METTL25: variants seen among roughly 807,000 people sequenced by gnomAD.
The protein encoded by METTL25 is probable methyltransferase-like protein 25.
In METTL25, 64 loss-of-function variants were observed where a neutral mutation model predicts 71.6. The ratio of observed to expected loss-of-function variants is 0.89; its 90% CI spans 0.73 to 1.10. The LOEUF (loss-of-function observed/expected upper bound fraction) is 1.10. Ranked by LOEUF, METTL25 falls within the 50% of genes least tolerant of loss-of-function variation. The pLI is 0.00. For missense variants in METTL25, 807 were observed against 707.0 expected, an observed-to-expected ratio of 1.14 and a Z score of -1.60; for synonymous variants, 287 against 250.3, an observed-to-expected ratio of 1.15 and a Z score of -1.38.
intron 3 of METTL25, among the ~76,000 whole-genome samples, chr12:82,392,620 A>G (rs993095977): frequency 1.2e-4 from 18 of 151,874 alleles, no homozygotes; most frequent in Non-Finnish European, 2.4e-4. Context: ...ACAGAAGGTT[A>G]TTAGCTTGAT....
intron 1 of METTL25, among the ~76,000 whole-genome samples, chr12:82,371,933 A>T (rs1883279430): frequency 6.6e-6 from 1 of 152,076 alleles, no homozygotes; most frequent in Non-Finnish European, 1.5e-5. Flanking sequence ...AGTCCTCATG[A>T]TCTGAGTCTA....
chr12:82,379,401 T>C (rs1022663584), intron 1 of METTL25, among the ~76,000 whole-genome samples: 1 of 152,240 alleles, frequency 6.6e-6, no homozygotes, highest in African/African-American at 2.4e-5. Context: ...AAATTATATT[T>C]GATTTATCAA....
At chr12:82,393,860 CT>C (rs1000771993) in intron 3 of METTL25, among the ~76,000 whole-genome samples, 2 of 151,668 alleles carry the variant, frequency 1.3e-5, no homozygotes, top group African/African-American at 4.8e-5. Flanking sequence ...AAATTTTCTA[CT>C]TTTTTGTTAC....
At chr12:82,396,774 T>G (rs1886121820) in intron 3 of METTL25, among the ~76,000 whole-genome samples, 1 of 152,144 alleles carries the variant, frequency 6.6e-6, no homozygotes, top group African/African-American at 2.4e-5. Flanking sequence ...TATTTTCTCT[T>G]TCATTCTCAG....
chr12:82,431,635 T>C (rs143137732), intron 6 of METTL25, among the ~76,000 whole-genome samples: 1 of 151,590 alleles, frequency 6.6e-6, no homozygotes, highest in Admixed American at 6.6e-5. Flanking sequence ...ACAGTAATTA[T>C]GTAAGATGGT....
intron 9 of METTL25, among the ~76,000 whole-genome samples, chr12:82,457,738 T>A (rs1891590934): frequency 6.6e-6 from 1 of 152,106 alleles, no homozygotes; most frequent in South Asian, 2.1e-4. Context: ...AATCCCTTTG[T>A]ATGTACTATG....
chr12:82,419,902 T>G (rs1030356084), intron 5 of METTL25, among the ~76,000 whole-genome samples: 1 of 152,202 alleles, frequency 6.6e-6, no homozygotes, highest in Non-Finnish European at 1.5e-5. Flanking sequence ...CGAAGAGATA[T>G]CTGTGCTCCT....
intron 1 of METTL25, among the ~76,000 whole-genome samples, chr12:82,378,173 G>T (rs1438790029): frequency 6.6e-6 from 1 of 152,168 alleles, no homozygotes; most frequent in Admixed American, 6.5e-5. Flanking sequence ...TCTTTAGGCT[G>T]ATACCAATGA....
rs1885016546 is a variant in METTL25 at position 82,386,448 on chromosome 12, TCC to T, written c.260-353_260-352del. Among the ~76,000 whole-genome samples the T allele has an allele frequency of 4.7e-3, 270 of 57,576 alleles. 1 individual carries two copies. Among genetic ancestry groups the T allele is most frequent in the African/African-American group, 0.018 (258 of 14,114 alleles). The allele number at this position is 57,576 out of a possible 152,430, so 37.8% of individuals were successfully genotyped here. A position where few individuals can be genotyped will look rare whatever the true frequency, so the allele number is the denominator to read the frequency against. On this transcript the variant is annotated intron_variant, in intron 1 of 11. Transcript: ENST00000248306. ...CTTCCTTCCTCCCTCCCTCCCTCCCTCCCTCCCTCTCTCTCTCCCTTCCTCCC... is the reference window on the plus strand; with the variant it reads ...CTTCCTTCCTCCCTCCCTCCCTCCCTCTCCCTCTCTCTCTCCCTTCCTCCC...
At chr12:82,451,228 T>C (rs1891127251) in intron 8 of METTL25, 1 of 874,712 alleles carries the variant, frequency 1.1e-6, no homozygotes, top group Non-Finnish European at 1.4e-6. Context: ...GAATGCTTCA[T>C]GCAGTATCCT....
chr12:82,384,377 C>G (rs1419436561), intron 1 of METTL25, among the ~76,000 whole-genome samples: 1 of 3,044 alleles, frequency 3.3e-4, no homozygotes, highest in Non-Finnish European at 1.3e-3. Flanking sequence ...ATAAACAGCT[C>G]TCTCTCTCTC....
chr12:82,430,155 C>T (rs1375433434), intron 5 of METTL25, among the ~76,000 whole-genome samples: 2 of 149,874 alleles, frequency 1.3e-5, no homozygotes, highest in South Asian at 2.1e-4. Context: ...ATAAAATTTT[C>T]CAGGTCTTAA....
chr12:82,463,847 AT>A (rs956115546), intron 9 of METTL25, among the ~76,000 whole-genome samples: 3 of 151,222 alleles, frequency 2.0e-5, no homozygotes, highest in African/African-American at 7.3e-5. Context: ...GATGTTGAGC[AT>A]TTTTTTTCTA....
intron 8 of METTL25, among the ~76,000 whole-genome samples, chr12:82,445,863 T>G (rs557646670): frequency 3.0e-4 from 45 of 152,330 alleles, no homozygotes; most frequent in African/African-American, 1.1e-3. Context: ...TGCAAAAAAC[T>G]TGTACTATCT....
chr12:82,406,738 A>T (rs544945374), intron 5 of METTL25, among the ~76,000 whole-genome samples: 1 of 152,136 alleles, frequency 6.6e-6, no homozygotes, highest in Non-Finnish European at 1.5e-5. Flanking sequence ...TTGCTATAAG[A>T]CAGGGTATTA....
chr12:82,405,344 C>T (rs4399377), intron 5 of METTL25, among the ~76,000 whole-genome samples: 140,673 of 152,216 alleles, frequency 0.92, 65,323 homozygotes, highest in East Asian at 1. Flanking sequence ...AAATTTGTTG[C>T]GTTGCTGTGG....
At chr12:82,361,849 C>T (rs943511253) in intron 1 of METTL25, among the ~76,000 whole-genome samples, 1 of 152,220 alleles carries the variant, frequency 6.6e-6, no homozygotes, top group African/African-American at 2.4e-5. Flanking sequence ...CCTCGGCCAG[C>T]CTAGAGAAGG....
At chr12:82,432,238 T>C (rs998768209) in intron 6 of METTL25, among the ~76,000 whole-genome samples, 3 of 151,718 alleles carry the variant, frequency 2.0e-5, no homozygotes, top group African/African-American at 7.2e-5. Context: ...AGTTATATAC[T>C]AGAATTATCT....
At chr12:82,369,110 T>C (rs1223716320) in intron 1 of METTL25, among the ~76,000 whole-genome samples, 3 of 152,242 alleles carry the variant, frequency 2.0e-5, no homozygotes, top group African/African-American at 7.2e-5. Context: ...TTTAGAGCTT[T>C]CCTACTCCCA....
Sources: allele counts gnomAD v4.1 joint callset (sites outside exome capture counted in the v4.1 genomes callset), GRCh38; gene constraint gnomAD v4.1.1; transcripts MANE v1.5; gene names NCBI Gene and HGNC (gene_info 2026-07-23, HGNC 2026-07-21).